Variants in BICC1 observed in about 807,000 individuals in gnomAD.
The protein encoded by BICC1 is protein bicaudal C homolog 1.
In BICC1, 43 loss-of-function variants were observed where a neutral mutation model predicts 111.0. The ratio of observed to expected loss-of-function variants is 0.39; its 90% confidence interval spans 0.30 to 0.50. The LOEUF (loss-of-function observed/expected upper bound fraction) is 0.50, where lower values mean the gene tolerates loss of function less well. BICC1 is among the 20% of genes least tolerant of loss of function. The pLI, the probability that BICC1 is intolerant of heterozygous loss-of-function variation, is 0.88. For missense variants in BICC1, 1,091 were observed against 1,203.2 expected (o/e 0.91, Z 1.38); for synonymous variants, 467 against 434.4 (o/e 1.07, Z -0.93).
At chr10:58,690,106 C>A (rs1839867610) in intron 2 of BICC1, among the ~76,000 whole-genome samples, 1 of 152,142 alleles carries the variant, frequency 6.6e-6, no homozygotes. Context: ...AAACTCTGGG[C>A]TATCATACAG....
chr10:58,599,360 T>A (rs991905552), intron 1 of BICC1, among the ~76,000 whole-genome samples: 1 of 152,136 alleles, frequency 6.6e-6, no homozygotes, highest in Non-Finnish European at 1.5e-5. Context: ...AGGACGTGGA[T>A]GAAGCTGGAA....
rs1279805017 is a variant in BICC1 at position 58,829,371 on chromosome 10, T to C, written c.*480T>C. 6.6e-6 allele frequency: 1 copy of C among 152,302 alleles called. No homozygotes were observed. The highest frequency in any genetic ancestry group is 1.5e-5 in the Non-Finnish European group (1 of 68,194). 9.4% of individuals were successfully genotyped at this position (152,302 alleles called of 1,614,324 possible). Reference sequence around the variant, plus strand: ...TGCTTTAAAATAATTATTGTGGTCTTTCAGCACTTTACACGTTCTAATTTC... The same window carrying C: ...TGCTTTAAAATAATTATTGTGGTCTCTCAGCACTTTACACGTTCTAATTTC... On this transcript the variant is annotated 3_prime_UTR_variant, in exon 21 of 21. Coordinates refer to ENST00000373886, the MANE Select transcript of BICC1 (RefSeq NM_001080512.3).
chr10:58,828,788 T>C lies in BICC1; in HGVS notation c.2822T>C (p.Phe941Ser). The C allele has an allele frequency of 1.2e-6, 2 of 1,613,814 alleles. No individual in the cohort carries two copies. The highest frequency in any genetic ancestry group is 2.2e-5 in the East Asian group (1 of 44,834). Residue 941 changes from phenylalanine to serine, a missense_variant, in exon 21 of 21, where the codon TTT (phenylalanine) becomes TCT (serine). This residue lies in a region of BICC1 where 231 missense variants were observed against 256.2 expected (regional missense o/e 0.90). Transcript: ENST00000373886. ...SELNKNRRKL[F>S]ESPNARTSFL... ...CTAAATAAAAACCGAAGAAAGCTTT[T>C]TGAATCGCCAAATGCACGCACCTCT...
chr10:58,654,071 C>T (rs1201357165), intron 2 of BICC1, among the ~76,000 whole-genome samples: 5 of 143,970 alleles, frequency 3.5e-5, no homozygotes, highest in Non-Finnish European at 7.6e-5. Flanking sequence ...TTTCTTAATC[C>T]AGTCTATCAT....
intron 2 of BICC1, among the ~76,000 whole-genome samples, chr10:58,674,316 C>T (rs80067576): frequency 3.3e-4 from 49 of 149,434 alleles, no homozygotes; most frequent in African/African-American, 1.1e-3. Context: ...TTTTTTTTTT[C>T]GTGGTAGAGT....
At chr10:58,580,279 C>A (rs548568725) in intron 1 of BICC1, among the ~76,000 whole-genome samples, 2 of 152,302 alleles carry the variant, frequency 1.3e-5, no homozygotes, top group African/African-American at 2.4e-5. Flanking sequence ...CCGCCTCTGC[C>A]TCCCACATTG....
At chr10:58,761,245 T>C (rs1400728441) in intron 3 of BICC1, among the ~76,000 whole-genome samples, 1 of 152,178 alleles carries the variant, frequency 6.6e-6, no homozygotes, top group Non-Finnish European at 1.5e-5. Flanking sequence ...CCCACCTCTG[T>C]GCTAGCTGTC....
At chr10:58,641,547 G>A (rs1010015248) in intron 2 of BICC1, among the ~76,000 whole-genome samples, 1 of 151,986 alleles carries the variant, frequency 6.6e-6, no homozygotes, top group African/African-American at 2.4e-5. Flanking sequence ...AGTAGAAATG[G>A]TATGGTGGTG....
chr10:58,592,210 C>G (rs558105020), intron 1 of BICC1, among the ~76,000 whole-genome samples: 2 of 152,230 alleles, frequency 1.3e-5, no homozygotes, highest in Admixed American at 6.5e-5. Flanking sequence ...AAGCAGTATT[C>G]CCTGTATAGC....
At chr10:58,648,098 T>C (rs1838323860) in intron 2 of BICC1, among the ~76,000 whole-genome samples, 1 of 152,070 alleles carries the variant, frequency 6.6e-6, no homozygotes, top group South Asian at 2.1e-4. Flanking sequence ...CATGACACAA[T>C]CAACTGCATT....
intron 3 of BICC1, among the ~76,000 whole-genome samples, chr10:58,706,416 A>G (rs1840388778): frequency 6.6e-6 from 1 of 152,230 alleles, no homozygotes; most frequent in African/African-American, 2.4e-5. Context: ...ATGATGCTAG[A>G]TAAGTTTGTT....
intron 1 of BICC1, among the ~76,000 whole-genome samples, chr10:58,524,819 A>G (rs940628570): frequency 6.6e-6 from 1 of 152,224 alleles, no homozygotes; most frequent in Non-Finnish European, 1.5e-5. Flanking sequence ...TCATCTCCCA[A>G]AGGGCTAATA....
intron 1 of BICC1, among the ~76,000 whole-genome samples, chr10:58,583,812 T>C (rs1844354651): frequency 6.6e-6 from 1 of 152,060 alleles, no homozygotes; most frequent in Non-Finnish European, 1.5e-5. Context: ...CTGGATCAAA[T>C]TGTAGATCTA....
intron 1 of BICC1, among the ~76,000 whole-genome samples, chr10:58,530,404 T>C (rs1009889781): frequency 1.3e-5 from 2 of 151,834 alleles, no homozygotes; most frequent in African/African-American, 4.8e-5. Flanking sequence ...TCAGCTTCTG[T>C]TCCCTCCTTG....
intron 2 of BICC1, among the ~76,000 whole-genome samples, chr10:58,641,579 G>A (rs900218378): frequency 3.3e-5 from 5 of 151,768 alleles, no homozygotes; most frequent in Admixed American, 2.0e-4. Flanking sequence ...TTGGCTATTC[G>A]AGTATTGACT....
In BICC1 at chr10:58,599,201, A is replaced by G. The variant is rs149728738; in HGVS notation, c.191-21654A>G. On this transcript the variant is annotated intron_variant, in intron 1 of 20. Coordinates refer to ENST00000373886, the MANE Select transcript of BICC1 (RefSeq NM_001080512.3). Reference sequence around the variant, plus strand: ...TTCTACTATAAAGACACATGCACACATATGTTTATTGTGGCACTGTTCACA... The same window carrying G: ...TTCTACTATAAAGACACATGCACACGTATGTTTATTGTGGCACTGTTCACA... Among the ~76,000 whole-genome samples, 1,513 of 152,246 alleles carry G rather than the reference A, an allele frequency of 9.9e-3. 26 individuals are homozygous for G. The highest frequency in any genetic ancestry group is 0.014 in the Non-Finnish European group (937 of 67,998).
At chr10:58,553,226 G>A (rs1843346464) in intron 1 of BICC1, among the ~76,000 whole-genome samples, 1 of 152,098 alleles carries the variant, frequency 6.6e-6, no homozygotes, top group Admixed American at 6.6e-5. Context: ...GGTTGCAGAT[G>A]GCTTTAAGGT....
At chr10:58,533,567 A>G (rs964464260) in intron 1 of BICC1, among the ~76,000 whole-genome samples, 3 of 151,818 alleles carry the variant, frequency 2.0e-5, no homozygotes, top group Non-Finnish European at 4.4e-5. Context: ...AAAACCTGAC[A>G]ATCAAGAATA....
At chr10:58,680,024 AGATG>A (rs1839468204) in intron 2 of BICC1, among the ~76,000 whole-genome samples, 1 of 152,212 alleles carries the variant, frequency 6.6e-6, no homozygotes, top group Non-Finnish European at 1.5e-5. Flanking sequence ...AACTAGGTAT[AGATG>A]GAACGTATCT....
Sources: gnomAD v4.1 joint callset for allele counts (sites outside exome capture counted in the v4.1 genomes callset) on GRCh38, gnomAD v4.1.1 for gene constraint, gnomAD v4.1.1 regional missense constraint, MANE v1.5 for transcripts, NCBI Gene and HGNC (gene_info 2026-07-23, HGNC 2026-07-21) for gene names.